The following NFIB variants were observed in gnomAD, a reference collection of about 807,000 sequenced individuals.
The protein encoded by NFIB is nuclear factor 1 B-type.
NFIB carries 11 observed loss-of-function variants against 61.5 expected under a neutral mutation model. The ratio of observed to expected loss-of-function variants is 0.18; its 90% CI spans 0.11 to 0.30. The LOEUF is 0.30. Among genes scored for constraint, NFIB ranks in the 10% least tolerant of loss-of-function variants. The probability of loss-of-function intolerance (pLI) is 1.00; values close to 1 mark genes in which losing one functional copy is unlikely to be tolerated. For missense variants in NFIB, 471 were observed against 608.9 expected, an observed-to-expected ratio of 0.77 and a Z score of 2.38; for synonymous variants, 260 against 216.5, an observed-to-expected ratio of 1.20 and a Z score of -1.76.
chr9:14,352,046 A>G (rs1210624337), intron 1 of NFIB, among the ~76,000 whole-genome samples: 1 of 152,184 alleles, frequency 6.6e-6, no homozygotes, highest in Non-Finnish European at 1.5e-5. Context: ...GTGAGCATCA[A>G]CTGTGCACCA....
At chr9:14,475,632 C>T in the NFIB span, among the ~76,000 whole-genome samples, 5 of 152,124 alleles carry the variant, frequency 3.3e-5, no homozygotes, top group Admixed American at 2.0e-4. Context: ...CCTGCTTTCC[C>T]ACTCAATGAC....
chr9:14,267,927 G>A (rs1411245063), intron 2 of NFIB, among the ~76,000 whole-genome samples: 3 of 152,162 alleles, frequency 2.0e-5, no homozygotes, highest in Non-Finnish European at 4.4e-5. Flanking sequence ...GAGGTCAGGA[G>A]TTCAAGACCA....
Position 14,084,443 on chromosome 9 carries a change from A to G in NFIB, c.*3866T>C, listed in dbSNP as rs1461559591. The G allele has an allele frequency of 4.4e-6, 1 of 225,112 alleles. No individual in the cohort carries two copies. Among genetic ancestry groups the G allele is most frequent in the Non-Finnish European group, 8.9e-6 (1 of 112,802 alleles). The allele number at this position is 225,112 out of a possible 1,614,324, so 13.9% of individuals were successfully genotyped here. ...TTTTAATGGAGCTGCCCACCCGAACATTACCCGATAACTATATTGCTATAA... is the reference window on the plus strand; with the variant it reads ...TTTTAATGGAGCTGCCCACCCGAACGTTACCCGATAACTATATTGCTATAA... On this transcript the variant is annotated 3_prime_UTR_variant, in exon 11 of 11. Coordinates refer to ENST00000380953, the MANE Select transcript of NFIB (RefSeq NM_001190737.2).
the NFIB span, among the ~76,000 whole-genome samples, chr9:14,417,190 C>G: frequency 2.0e-5 from 3 of 152,072 alleles, no homozygotes; most frequent in Non-Finnish European, 4.4e-5. Context: ...CACACCCGGC[C>G]TTAAATCTTT....
At chr9:14,402,425 GT>G (rs2061751944), upstream of NFIB, among the ~76,000 whole-genome samples, 1 of 152,084 alleles carries the variant, frequency 6.6e-6, no homozygotes, top group South Asian at 2.1e-4. Context: ...CTTAAATACA[GT>G]TGAAGTAAAG....
intron 1 of NFIB, among the ~76,000 whole-genome samples, chr9:14,393,823 T>C (rs1483767018): frequency 6.6e-6 from 1 of 152,240 alleles, no homozygotes; most frequent in Non-Finnish European, 1.5e-5. Context: ...GGTTTGTTTT[T>C]GTATAATTAT....
intron 3 of NFIB, among the ~76,000 whole-genome samples, chr9:14,167,465 AG>A (rs2044993616): frequency 6.6e-6 from 1 of 152,118 alleles, no homozygotes; most frequent in Non-Finnish European, 1.5e-5. Flanking sequence ...CCTGGGAGGC[AG>A]GGGTTGCAAT....
At chr9:14,124,922 A>C (rs1397302163) in intron 7 of NFIB, among the ~76,000 whole-genome samples, 1 of 152,214 alleles carries the variant, frequency 6.6e-6, no homozygotes, top group Non-Finnish European at 1.5e-5. Context: ...TATATGTAGA[A>C]AATAACATCT....
At chr9:14,134,974 AC>A (rs535713228) in intron 6 of NFIB, among the ~76,000 whole-genome samples, 1 of 152,074 alleles carries the variant, frequency 6.6e-6, no homozygotes, top group South Asian at 2.1e-4. Flanking sequence ...AAAAAAACTT[AC>A]AAAATAGCAT....
intron 6 of NFIB, among the ~76,000 whole-genome samples, chr9:14,126,505 G>T (rs879599679): frequency 6.6e-6 from 1 of 152,190 alleles, no homozygotes; most frequent in Non-Finnish European, 1.5e-5. Context: ...GATGAGGAAG[G>T]CATTTCTCAT....
chr9:14,482,561 T>C, the NFIB span, among the ~76,000 whole-genome samples: 3 of 152,200 alleles, frequency 2.0e-5, no homozygotes, highest in Non-Finnish European at 4.4e-5. Context: ...TTGGGACAAG[T>C]GATACACTGC....
chr9:14,500,759 A>G, the NFIB span, among the ~76,000 whole-genome samples: 1 of 152,024 alleles, frequency 6.6e-6, no homozygotes, highest in Non-Finnish European at 1.5e-5. Flanking sequence ...TAGTGGGAGG[A>G]GAATATTCGT....
intron 2 of NFIB, among the ~76,000 whole-genome samples, chr9:14,299,713 T>G (rs1393281508): frequency 1.3e-5 from 2 of 152,212 alleles, no homozygotes; most frequent in East Asian, 3.8e-4. Flanking sequence ...TGTTCAGAGA[T>G]CTTTAATTTG....
intron 1 of NFIB, among the ~76,000 whole-genome samples, chr9:14,358,608 A>G (rs890096988): frequency 6.6e-6 from 1 of 152,224 alleles, no homozygotes; most frequent in South Asian, 2.1e-4. Context: ...TCCCAATGTT[A>G]CTTTCTCCTT....
intron 2 of NFIB, among the ~76,000 whole-genome samples, chr9:14,226,857 TG>T (rs2052490407): frequency 6.6e-6 from 1 of 152,086 alleles, no homozygotes; most frequent in Admixed American, 6.5e-5. Context: ...TAAGAAATCT[TG>T]GCCAGGCACG....
chr9:14,256,601 G>A (rs1211782066), intron 2 of NFIB, among the ~76,000 whole-genome samples: 2 of 152,174 alleles, frequency 1.3e-5, no homozygotes, highest in African/African-American at 4.8e-5. Flanking sequence ...AAAGGAAAGT[G>A]AATATGCCAG....
chr9:14,265,593 AAC>A lies in NFIB; in HGVS notation c.562+41394_562+41395del, dbSNP rs2057128787. 2.6e-5 allele frequency among the ~76,000 whole-genome samples: 4 copies of A among 152,310 alleles called. No homozygotes were observed. The South Asian group carries it at 8.3e-4, about 32-fold the overall frequency. On this transcript the variant is annotated intron_variant, in intron 2 of 10. Transcript: ENST00000380953. ...GGAAATAAATTTCTGTTGTTTAAGC[AAC>A]ACAGTCTATAGTATTTTGTTATGGC...
chr9:14,192,744 T>C (rs1243312264), intron 2 of NFIB, among the ~76,000 whole-genome samples: 2 of 152,172 alleles, frequency 1.3e-5, no homozygotes, highest in Non-Finnish European at 2.9e-5. Context: ...ATTTGTGTAG[T>C]AGATTCCTAC....
At chr9:14,223,819 G>T (rs139837798) in intron 2 of NFIB, among the ~76,000 whole-genome samples, 1 of 152,120 alleles carries the variant, frequency 6.6e-6, no homozygotes, top group Non-Finnish European at 1.5e-5. Context: ...GATTGATAGA[G>T]AAGTACAATA....
Sources: gnomAD v4.1 joint callset for allele counts (sites outside exome capture counted in the v4.1 genomes callset) on GRCh38, gnomAD v4.1.1 for gene constraint, MANE v1.5 for transcripts, NCBI Gene and HGNC (gene_info 2026-07-23, HGNC 2026-07-21) for gene names.